Variants in IQCE observed in about 807,000 individuals in gnomAD.
IQCE encodes the protein IQ domain-containing protein E.
A neutral mutation model predicts 96.0 loss-of-function variants in IQCE; 115 were observed. The ratio of observed to expected loss-of-function variants is 1.20; its 90% CI spans 1.03 to 1.40. The LOEUF (loss-of-function observed/expected upper bound fraction) is 1.40, where lower values mean the gene tolerates loss of function less well. Among genes scored for constraint, IQCE ranks in the 40% most tolerant of loss-of-function variants. IQCE has a pLI of 0.00. For missense variants in IQCE, 1,041 were observed against 909.1 expected (o/e 1.15, Z -1.87); for synonymous variants, 412 against 371.2 (o/e 1.11, Z -1.26).
In IQCE at chr7:2,598,446, C is replaced by T. The variant is rs1050589475; in HGVS notation, c.1441-19C>T. ...CTGCCCTGGCTTCATTGTCCTCTTACTCCTTCAATTTCCTGCAGGCCCAAG... is the reference window on the plus strand; with the variant it reads ...CTGCCCTGGCTTCATTGTCCTCTTATTCCTTCAATTTCCTGCAGGCCCAAG... On this transcript the variant is annotated intron_variant, in intron 16 of 21. Coordinates refer to ENST00000402050, the MANE Select transcript of IQCE (RefSeq NM_152558.5). 6.4e-7 allele frequency: 1 copy of T among 1,556,434 alleles called. No individual in the cohort carries two copies. Among genetic ancestry groups the T allele is most frequent in the Non-Finnish European group, 8.7e-7 (1 of 1,150,806 alleles).
At chr7:2,601,621 C>T in intron 18 of IQCE, 157 bp downstream of exon 18, 2 of 658,148 alleles carry the variant, frequency 3.0e-6, no homozygotes, top group Non-Finnish European at 5.5e-6. Context: ...GCAATCTTGG[C>T]TCACTGCAAC....
chr7:2,581,933 T>C (rs7798469), intron 8 of IQCE: 253,263 of 337,944 alleles, frequency 0.75, 95,701 homozygotes, highest in African/African-American at 0.8. Context: ...AGGATGGTCT[T>C]GATCTCCTGA....
chr7:2,605,735 A>G, intron 19 of IQCE, 141 bp from the exon 20 acceptor site: 9 of 776,596 alleles, frequency 1.2e-5, no homozygotes, highest in Non-Finnish European at 9.1e-6. Context: ...CTGACCAGCA[A>G]TTCCCGGGAG....
Position 2,582,569 on chromosome 7 carries a change from TC to T in IQCE, c.631-7del, listed in dbSNP as rs770051525. ...GGCGTGGCCTGCCTGATGGGCACGTTCCCCGGGCAGGTCATTAACGGGCTGA... is the reference window on the plus strand; with the variant it reads ...GGCGTGGCCTGCCTGATGGGCACGTTCCCGGGCAGGTCATTAACGGGCTGA... On this transcript the variant is annotated splice_polypyrimidine_tract_variant and intron_variant, in intron 8 of 21. Transcript: ENST00000402050. The T allele has an allele frequency of 6.6e-5, 107 of 1,613,464 alleles. No individual in the cohort carries two copies. Among genetic ancestry groups the T allele is most frequent in the Non-Finnish European group, 8.6e-5 (101 of 1,179,706 alleles).
intron 8 of IQCE, among the ~76,000 whole-genome samples, chr7:2,581,259 G>A (rs1782642168): frequency 6.6e-6 from 1 of 152,078 alleles, no homozygotes; most frequent in East Asian, 1.9e-4. Flanking sequence ...AGGCTGCAGT[G>A]CAGTGGCGAG....
rs61739566 is a variant in IQCE, at chr7:2,573,428, T to C, written c.405T>C (p.Pro135=). The change falls in exon 6 of 22, where the codon CCT becomes CCC. Residue 135 remains proline, a synonymous_variant. Transcript: ENST00000402050. ...TTTATGTTTCTCTAGGTCATGTCCC[T>C]GGGACTCCTGTCTACAGAGAAAAAG... ...LRRSASNGHV[P]GTPVYREKED... The C allele has an allele frequency of 0.14, 199,772 of 1,467,512 alleles. 14,948 individuals are homozygous for C. Among genetic ancestry groups the C allele is most frequent in the Non-Finnish European group, 0.14 (150,399 of 1,047,288 alleles). The allele number at this position is 1,467,512 out of a possible 1,614,324, so 90.9% of individuals were successfully genotyped here.
intron 14 of IQCE, among the ~76,000 whole-genome samples, chr7:2,591,058 AC>A (rs1356205341): frequency 6.6e-6 from 1 of 152,144 alleles, no homozygotes; most frequent in Non-Finnish European, 1.5e-5. Context: ...TTCGAGACCA[AC>A]CTGGACAGCA....
At chr7:2,566,287 G>C (rs1047552251) in intron 1 of IQCE, among the ~76,000 whole-genome samples, 8 of 144,184 alleles carry the variant, frequency 5.5e-5, no homozygotes, top group Non-Finnish European at 8.9e-5. Flanking sequence ...TCTTCAAAAA[G>C]CTTCCTTTTT....
chr7:2,587,037 G>A (rs1783177764), intron 12 of IQCE, among the ~76,000 whole-genome samples: 1 of 152,218 alleles, frequency 6.6e-6, no homozygotes, highest in South Asian at 2.1e-4. Flanking sequence ...TGGCCTGGAT[G>A]GGGGCAGCAG....
intron 21 of IQCE, 25 bp downstream of exon 21, chr7:2,607,252 G>A: frequency 6.2e-7 from 1 of 1,613,494 alleles, no homozygotes. Context: ...TTGGATTCTG[G>A]CACCAGGGCA....
chr7:2,573,141 C>G (rs1781878816), intron 5 of IQCE, among the ~76,000 whole-genome samples: 1 of 152,202 alleles, frequency 6.6e-6, no homozygotes, highest in African/African-American at 2.4e-5. Flanking sequence ...TTCCGTGAGT[C>G]CCTTCTTTCA....
chr7:2,593,149 G>A, intron 15 of IQCE, 23 bp downstream of exon 15: 1 of 1,600,318 alleles, frequency 6.2e-7, no homozygotes, highest in Non-Finnish European at 8.5e-7. Context: ...GGTCAGGGCT[G>A]GAGAGGACCC....
At chr7:2,565,153 T>TGTGC (rs1491178850) in intron 1 of IQCE, among the ~76,000 whole-genome samples, 3 of 146,480 alleles carry the variant, frequency 2.0e-5, no homozygotes, top group African/African-American at 7.6e-5. Flanking sequence ...TGTGTGTGTG[T>TGTGC]GCTGTGTATG....
At chr7:2,599,223 G>A (rs114331589) in intron 17 of IQCE, among the ~76,000 whole-genome samples, 122 of 152,286 alleles carry the variant, frequency 8.0e-4, no homozygotes, top group African/African-American at 2.8e-3. Flanking sequence ...CTGAGTTAGA[G>A]TCTTGCTCTG....
At position 2,611,124 on chromosome 7, in the gene IQCE, T is replaced by TGGGCA. The variant is rs1299964327; in HGVS notation, c.*966_*967insAGGGC. The stretch of plus-strand genomic sequence containing the variant: ...CCCAAGCTCCATGGCTGGGCTGGGC[T>TGGGCA]GGGCTGGGCTGGGCTGGGCCGGGCG... On this transcript the variant is annotated 3_prime_UTR_variant, in exon 22 of 22. Coordinates refer to ENST00000402050, the MANE Select transcript of IQCE (RefSeq NM_152558.5). The TGGGCA allele has an allele frequency of 2.3e-5, 2 of 87,454 alleles. No individual in the cohort carries two copies. The highest frequency in any genetic ancestry group is 9.5e-5 in the African/African-American group (2 of 21,002). The allele number at this position is 87,454 out of a possible 1,614,324, so 5.4% of individuals were successfully genotyped here. A position where few individuals can be genotyped will look rare whatever the true frequency, so the allele number is the denominator to read the frequency against.
intron 3 of IQCE, among the ~76,000 whole-genome samples, chr7:2,570,116 T>G (rs1206229415): frequency 6.6e-6 from 1 of 152,108 alleles, no homozygotes; most frequent in African/African-American, 2.4e-5. Flanking sequence ...TCAACCTGCT[T>G]GTAGGTTTGC....
chr7:2,589,526 C>T (rs1038072247), intron 13 of IQCE, among the ~76,000 whole-genome samples: 7 of 152,072 alleles, frequency 4.6e-5, no homozygotes, highest in East Asian at 1.9e-4. Context: ...ACTTTGCAGG[C>T]GACACCAGGA....
chr7:2,601,471 G>A lies in IQCE; in HGVS notation c.1632+7G>A, dbSNP rs764897735. 3.8e-6 allele frequency: 6 copies of A among 1,581,682 alleles called. No individual in the cohort carries two copies. The South Asian group carries it at 4.4e-5, about 12-fold the overall frequency. ...AAAGGCTGTTCTGGATGAGGTAAGC[G>A]AGGTTTATTTCTTGTTTCAAAATTC... On this transcript the variant is annotated splice_region_variant and intron_variant, in intron 18 of 21. Transcript: ENST00000402050.
At chr7:2,602,321 A>G (rs1481388448) in intron 18 of IQCE, among the ~76,000 whole-genome samples, 1 of 152,236 alleles carries the variant, frequency 6.6e-6, no homozygotes, top group East Asian at 1.9e-4. Context: ...AGATTGATGA[A>G]CAGTGCAGTT....
Sources: gnomAD v4.1 joint callset for allele counts (sites outside exome capture counted in the v4.1 genomes callset) on GRCh38, gnomAD v4.1.1 for gene constraint, MANE v1.5 for transcripts, NCBI Gene and HGNC (gene_info 2026-07-23, HGNC 2026-07-21) for gene names.